TEX15: variants seen among roughly 807,000 people sequenced by gnomAD.
The protein encoded by TEX15 is testis-expressed protein 15.
In TEX15, 171 loss-of-function variants were observed where a neutral mutation model predicts 237.3. That is an observed-to-expected ratio of 0.72 (90% CI 0.64 to 0.82). The LOEUF (loss-of-function observed/expected upper bound fraction) is 0.82, where lower values mean the gene tolerates loss of function less well. Ranked by LOEUF, TEX15 falls within the 40% of genes least tolerant of loss-of-function variation. The pLI is 0.00. For missense variants in TEX15, 3,750 were observed against 3,646.5 expected (o/e 1.03, Z -0.73); for synonymous variants, 1,338 against 1,269.8 (o/e 1.05, Z -1.14).
At chr8:30,902,546 A>C (rs1219472531) in intron 1 of TEX15, among the ~76,000 whole-genome samples, 1 of 152,238 alleles carries the variant, frequency 6.6e-6, no homozygotes, top group East Asian at 1.9e-4. Flanking sequence ...GTACTAACAC[A>C]GGTTGCCAAT....
In TEX15 at chr8:30,836,835, C is replaced by T. The variant is rs112222282; in HGVS notation, c.9449G>A (p.Arg3150Gln). The T allele has an allele frequency of 1.4e-4, 220 of 1,609,672 alleles. No homozygotes were observed. In the African/African-American group the frequency reaches 1.7e-3, roughly 12 times the overall value. ...PQATYPYLPN[R>Q]FVPPEVPWVY... is the part of the protein sequence containing the mutation. ...CCAAGGAACTTCTGGAGGCACAAAT[C>T]GATTAGGAAGGTAAGGGTATGTAGC... Residue 3150 changes from arginine (R) to glutamine (Q), a missense_variant, in exon 10 of 11, where the codon CGA becomes CAA. Arg to Gln is a conservative substitution (Grantham distance 43). Transcript: ENST00000643185.
intron 7 of TEX15, among the ~76,000 whole-genome samples, chr8:30,851,004 C>T (rs1028073698): frequency 6.6e-6 from 1 of 152,072 alleles, no homozygotes; most frequent in Non-Finnish European, 1.5e-5. Context: ...AATGTAAGCA[C>T]TTTTTAATAT....
In TEX15 at chr8:30,860,006, CT is replaced by C; in HGVS notation, c.591del (p.Val198PhefsTer20). 6.6e-7 allele frequency: 1 copy of C among 1,506,994 alleles called. No homozygotes were observed. The highest frequency in any genetic ancestry group is 8.8e-7 in the Non-Finnish European group (1 of 1,136,294). 93.4% of individuals were successfully genotyped at this position (1,506,994 alleles called of 1,614,324 possible). A position where few individuals can be genotyped will look rare whatever the true frequency, so the allele number is the denominator to read the frequency against. ...KKIQPSVDKN[K>X]VSLDPSPNFD... ...AAGTTAGGAGAAGGATCCAAAGAAA[CT>C]TTATTTTTATCCACAGAAGGTTGGA... On this transcript the variant is annotated frameshift_variant, in exon 6 of 11. Transcript: ENST00000643185. LOFTEE classifies it high-confidence loss of function.
chr8:30,910,864 A>G (rs747407903), intron 1 of TEX15, among the ~76,000 whole-genome samples: 2 of 152,068 alleles, frequency 1.3e-5, no homozygotes, highest in Non-Finnish European at 2.9e-5. Context: ...TCTTTGCAAT[A>G]AGGTAAAGAA....
intron 7 of TEX15, among the ~76,000 whole-genome samples, chr8:30,850,989 A>G (rs1447848483): frequency 6.6e-6 from 1 of 152,224 alleles, no homozygotes; most frequent in Non-Finnish European, 1.5e-5. Flanking sequence ...GATTAATACT[A>G]TACAAATGTA....
chr8:30,870,962 AAGG>A (rs1232654468), intron 4 of TEX15, among the ~76,000 whole-genome samples: 1 of 152,044 alleles, frequency 6.6e-6, no homozygotes, highest in African/African-American at 2.4e-5. Flanking sequence ...AATTACCAGC[AAGG>A]AGATTTCCCA....
At chr8:30,910,669 T>G (rs1809197728) in intron 1 of TEX15, among the ~76,000 whole-genome samples, 1 of 149,300 alleles carries the variant, frequency 6.7e-6, no homozygotes, top group African/African-American at 2.5e-5. Context: ...CAGGCTGGTC[T>G]TGAACTCCTG....
At chr8:30,902,156 G>A (rs539368128) in intron 1 of TEX15, among the ~76,000 whole-genome samples, 4 of 152,126 alleles carry the variant, frequency 2.6e-5, no homozygotes, top group South Asian at 2.1e-4. Flanking sequence ...TTTGAGATCC[G>A]CTGGTCTAAG....
intron 2 of TEX15, among the ~76,000 whole-genome samples, chr8:30,889,887 T>A (rs1405297819): frequency 6.9e-6 from 1 of 144,218 alleles, no homozygotes; most frequent in Non-Finnish European, 1.5e-5. Context: ...TTATATCATA[T>A]GAAATAGTCC....
intron 2 of TEX15, 35 bp from the exon 3 acceptor site, chr8:30,887,346 CAATA>C: frequency 6.7e-7 from 1 of 1,488,288 alleles, no homozygotes. Flanking sequence ...GCAAAAAGGT[CAATA>C]AATACATAAA....
At chr8:30,896,325 G>A (rs943488390) in intron 2 of TEX15, among the ~76,000 whole-genome samples, 3 of 152,076 alleles carry the variant, frequency 2.0e-5, no homozygotes, top group Non-Finnish European at 2.9e-5. Flanking sequence ...TGGTTATTAG[G>A]ACGTAGGCCA....
intron 1 of TEX15, among the ~76,000 whole-genome samples, chr8:30,912,269 GC>G (rs1473410884): frequency 6.6e-6 from 1 of 150,714 alleles, no homozygotes; most frequent in African/African-American, 2.4e-5. Context: ...GGCGTTCCCC[GC>G]CCTAGCGCTC....
chr8:30,842,177 GT>G lies in TEX15; in HGVS notation c.7989del (p.Lys2663AsnfsTer22). 6.2e-7 allele frequency: 1 copy of G among 1,612,454 alleles called. No homozygotes were observed. Among genetic ancestry groups the G allele is most frequent in the Non-Finnish European group, 8.5e-7 (1 of 1,179,402 alleles). ...RKEKMNIHIV[K>X]PGENNNKFSI... is the part of the protein sequence containing the mutation. ...CTAAATTTATTGTTATTTTCCCCAG[GT>G]TTTACAATATGAATATTCATTTTTT... On this transcript the variant is annotated frameshift_variant, in exon 8 of 11. Coordinates refer to ENST00000643185, the MANE Select transcript of TEX15 (RefSeq NM_001350162.2). LOFTEE classifies it high-confidence loss of function.
At chr8:30,904,854 A>T (rs1004766239) in intron 1 of TEX15, among the ~76,000 whole-genome samples, 52 of 138,526 alleles carry the variant, frequency 3.8e-4, no homozygotes, top group African/African-American at 1.2e-3. Flanking sequence ...ACCTAAAATT[A>T]AAAAAATGTA....
chr8:30,864,363 G>A (rs1018998548), intron 5 of TEX15, among the ~76,000 whole-genome samples: 7 of 151,612 alleles, frequency 4.6e-5, no homozygotes, highest in Non-Finnish European at 8.8e-5. Context: ...TGCTGTGGGA[G>A]TCTGAGGACA....
intron 2 of TEX15, among the ~76,000 whole-genome samples, chr8:30,895,251 T>C (rs965659368): frequency 1.4e-5 from 2 of 140,862 alleles, no homozygotes; most frequent in African/African-American, 5.5e-5. Context: ...TGAGCCACGA[T>C]TGCACCACTG....
At chr8:30,877,243 A>C (rs1808419306) in intron 3 of TEX15, among the ~76,000 whole-genome samples, 1 of 152,210 alleles carries the variant, frequency 6.6e-6, no homozygotes, top group Non-Finnish European at 1.5e-5. Flanking sequence ...CATGTCTGTG[A>C]AAGCATTGCT....
intron 6 of TEX15, among the ~76,000 whole-genome samples, chr8:30,859,148 A>C (rs1204607083): frequency 6.6e-6 from 1 of 152,076 alleles, no homozygotes; most frequent in African/African-American, 2.4e-5. Context: ...AAAAATTAGG[A>C]AAATAACAAT....
intron 3 of TEX15, among the ~76,000 whole-genome samples, chr8:30,880,386 C>T (rs1017415496): frequency 1.3e-5 from 2 of 152,082 alleles, no homozygotes; most frequent in Non-Finnish European, 2.9e-5. Context: ...GTGTTCTTTG[C>T]TAGTATTTAA....
Sources: gnomAD v4.1 joint callset for allele counts (sites outside exome capture counted in the v4.1 genomes callset) on GRCh38, gnomAD v4.1.1 for gene constraint, MANE v1.5 for transcripts, NCBI Gene and HGNC (gene_info 2026-07-23, HGNC 2026-07-21) for gene names.